Variants in DAPK2 observed in about 807,000 individuals in gnomAD.
DAPK2 encodes the protein death associated protein kinase 2, also known as death-associated protein kinase 2.
DAPK2 carries 35 observed loss-of-function variants against 44.1 expected under a neutral mutation model. The observed-to-expected ratio is 0.79, with a 90% CI of 0.61 to 1.05. The LOEUF is 1.05. Ranked by LOEUF, DAPK2 falls within the 50% of genes least tolerant of loss-of-function variation. The pLI, the probability that DAPK2 is intolerant of heterozygous loss-of-function variation, is 0.00. For missense variants in DAPK2, 453 were observed against 483.2 expected, an observed-to-expected ratio of 0.94 and a Z score of 0.59; for synonymous variants, 174 against 182.6, an observed-to-expected ratio of 0.95 and a Z score of 0.38.
chr15:63,988,887 A>C (rs978266122), intron 1 of DAPK2, among the ~76,000 whole-genome samples: 2 of 151,922 alleles, frequency 1.3e-5, no homozygotes, highest in East Asian at 3.9e-4. Context: ...CATTTCACAG[A>C]TAAGAAAACT....
chr15:64,011,144 G>C (rs1471179768), intron 1 of DAPK2, among the ~76,000 whole-genome samples: 1 of 152,228 alleles, frequency 6.6e-6, no homozygotes, highest in African/African-American at 2.4e-5. Context: ...GCTCAGGTTG[G>C]AGTGGAAAAA....
intron 1 of DAPK2, among the ~76,000 whole-genome samples, chr15:64,010,880 C>G (rs2079372527): frequency 6.6e-6 from 1 of 152,154 alleles, no homozygotes; most frequent in Non-Finnish European, 1.5e-5. Context: ...GATGCATGTC[C>G]TGACCGCATC....
At chr15:63,956,046 A>G (rs2077713279) in intron 3 of DAPK2, among the ~76,000 whole-genome samples, 1 of 152,204 alleles carries the variant, frequency 6.6e-6, no homozygotes, top group Admixed American at 6.5e-5. Flanking sequence ...CTAGAAATGT[A>G]TCCATTTCTT....
rs139101978 is a variant in DAPK2 at position 63,966,784 on chromosome 15, G to T, written c.453+4639C>A. On this transcript the variant is annotated intron_variant, in intron 3 of 10. Transcript: ENST00000261891. This position sits in a 1 kb window ranked among gnomAD's most constrained non-coding sequence, Gnocchi z 5.5. ...CCAAGTGCACAGGTTCTTTCTCCAT[G>T]CAACATGGCTGCTGCCAGAAGATGG... is the stretch of plus-strand genomic sequence containing the variant. Among the ~76,000 whole-genome samples, 291 of 152,306 alleles carry T rather than the reference G, an allele frequency of 1.9e-3. No homozygotes were observed. Among genetic ancestry groups the T allele is most frequent in the African/African-American group, 6.8e-3 (284 of 41,562 alleles).
chr15:63,919,246 G>A (rs973624337), intron 8 of DAPK2: 8 of 152,128 alleles, frequency 5.3e-5, no homozygotes, highest in East Asian at 1.9e-4. Context: ...GTCTGTTTAC[G>A]ACACGTCTAA....
At chr15:64,005,542 C>T (rs1347824283) in intron 1 of DAPK2, among the ~76,000 whole-genome samples, 1 of 152,002 alleles carries the variant, frequency 6.6e-6, no homozygotes, top group Admixed American at 6.6e-5. Flanking sequence ...ATGTGCCCTC[C>T]CAACATAGGA....
intron 3 of DAPK2, among the ~76,000 whole-genome samples, chr15:63,943,052 A>ATAC (rs2077354933): frequency 6.6e-6 from 1 of 151,690 alleles, no homozygotes; most frequent in Admixed American, 6.6e-5. Context: ...AACATGCGAC[A>ATAC]TACTTTACAC....
intron 3 of DAPK2, among the ~76,000 whole-genome samples, chr15:63,951,187 G>A (rs958880614): frequency 5.9e-5 from 9 of 152,160 alleles, no homozygotes; most frequent in African/African-American, 1.7e-4. Flanking sequence ...AGTTGGATCA[G>A]GCTTGGGTGC....
At chr15:63,911,747 G>T (rs2078797745) in intron 10 of DAPK2, 161 bp downstream of exon 11, 4 of 729,744 alleles carry the variant, frequency 5.5e-6, no homozygotes, top group Non-Finnish European at 9.3e-6. Flanking sequence ...CTCCTCTGAA[G>T]ATCACACTTC....
chr15:63,980,943 A>C lies in DAPK2; in HGVS notation c.314+2590T>G, dbSNP rs1285343554. Among the ~76,000 whole-genome samples the C allele has an allele frequency of 1.3e-5, 2 of 152,106 alleles. No homozygotes were observed. The highest frequency in any genetic ancestry group is 4.8e-5 in the African/African-American group (2 of 41,404). ...CATCTCTACTAAAAATACAAAAATT[A>C]GCTGGGTGTGGTGGTGGGTGCCTGT... On this transcript the variant is annotated intron_variant, in intron 2 of 10. Transcript: ENST00000261891. The surrounding 1 kb of genome is among the most constrained non-coding windows in gnomAD (Gnocchi z 4.3).
chr15:64,026,026 A>T (rs551351406), intron 1 of DAPK2, among the ~76,000 whole-genome samples: 6 of 152,288 alleles, frequency 3.9e-5, no homozygotes, highest in African/African-American at 1.4e-4. Flanking sequence ...ACACTCAACA[A>T]TGTAGGAGCC....
exon 3 of DAPK2, chr15:63,971,450 T>G (rs2078208732): frequency 6.2e-7 from 1 of 1,614,236 alleles, no homozygotes; most frequent in East Asian, 2.2e-5. Context: ...CAATTTTCTT[T>G]GTGTGAAGGT....
In DAPK2 at chr15:64,017,511, C is replaced by T. The variant is rs1198158684; in HGVS notation, c.92+22659G>A. Among the ~76,000 whole-genome samples, 5 of 152,212 alleles carry T rather than the reference C, an allele frequency of 3.3e-5. No homozygotes were observed. The East Asian group carries it at 9.6e-4, about 29-fold the overall frequency. ...CTTGCATCTCCCTGTGCCTAGAGAG[C>T]CGCATTCCAGGACACGGGCAGGTCC... On this transcript the variant is annotated intron_variant, in intron 1 of 10. Coordinates refer to ENST00000261891, the Ensembl canonical transcript of DAPK2.
intron 1 of DAPK2, among the ~76,000 whole-genome samples, chr15:63,992,964 ACTG>A (rs2078858163): frequency 6.6e-6 from 1 of 152,266 alleles, no homozygotes. Flanking sequence ...CAGGAAAAAG[ACTG>A]CAGAAAGAAG....
chr15:63,949,067 C>G (rs965487381), intron 3 of DAPK2, among the ~76,000 whole-genome samples: 1 of 152,202 alleles, frequency 6.6e-6, no homozygotes, highest in Non-Finnish European at 1.5e-5. Context: ...GCTGGTTTGC[C>G]ATTTCCAACC....
chr15:63,957,560 A>G (rs1387011714), intron 3 of DAPK2, among the ~76,000 whole-genome samples: 3 of 130,526 alleles, frequency 2.3e-5, no homozygotes, highest in South Asian at 2.4e-4. Context: ...CCCGTGTCCA[A>G]GTGTTCTCAT....
At chr15:64,002,972 A>G (rs932072483) in intron 1 of DAPK2, among the ~76,000 whole-genome samples, 90 of 17,932 alleles carry the variant, frequency 5.0e-3, no homozygotes, top group Middle Eastern at 0.028. Context: ...GTGTCGTGGG[A>G]CCTGTGTGTG....
intron 2 of DAPK2, among the ~76,000 whole-genome samples, chr15:63,975,200 G>A (rs2078310925): frequency 6.6e-6 from 1 of 152,136 alleles, no homozygotes; most frequent in African/African-American, 2.4e-5. Context: ...TCTCAGGAAG[G>A]GTTCTAGGCC....
In DAPK2 at chr15:64,021,274, G is replaced by A. The variant is rs555551170; in HGVS notation, c.92+18896C>T. On this transcript the variant is annotated intron_variant, in intron 1 of 10. Coordinates refer to ENST00000261891, the Ensembl canonical transcript of DAPK2. Reference sequence around the variant, plus strand: ...ACAGGATGATACTGCGATGTGGGACGACTCTGGCACATGAAAGGGAGCGCG... The same window carrying A: ...ACAGGATGATACTGCGATGTGGGACAACTCTGGCACATGAAAGGGAGCGCG... Among the ~76,000 whole-genome samples the A allele has an allele frequency of 1.5e-3, 233 of 152,300 alleles. 6 individuals are homozygous for A. In the South Asian group the frequency reaches 0.045, roughly 30 times the overall value.
Sources: gnomAD v4.1 joint callset for allele counts (sites outside exome capture counted in the v4.1 genomes callset) on GRCh38, gnomAD v4.1.1 for gene constraint, Gnocchi (gnomAD v3.1) non-coding constraint, MANE v1.5 for transcripts, NCBI Gene and HGNC (gene_info 2026-07-23, HGNC 2026-07-21) for gene names.